Variants in CNMD observed in about 807,000 individuals in gnomAD.
The protein encoded by CNMD is leukocyte cell-derived chemotaxin 1.
Under a neutral mutation model 37.5 loss-of-function variants are expected in CNMD, and 30 were observed. The ratio of observed to expected loss-of-function variants is 0.80; its 90% CI spans 0.60 to 1.09. The LOEUF is 1.09. Ranked by LOEUF, CNMD falls within the 50% of genes least tolerant of loss-of-function variation. CNMD has a pLI of 0.00. For synonymous variants in CNMD, 167 were observed against 148.2 expected (o/e 1.13, Z -0.92); for missense variants, 398 against 423.9 (o/e 0.94, Z 0.54).
In CNMD at chr13:52,703,703, G is replaced by A; in HGVS notation, c.897C>T (p.Pro299=). 6.2e-7 allele frequency: 1 copy of A among 1,614,020 alleles called. No homozygotes were observed. The highest frequency in any genetic ancestry group is 8.5e-7 in the Non-Finnish European group (1 of 1,179,884). The change falls in exon 7 of 7, where the codon CCC becomes CCT. Residue 299 remains proline (P), a synonymous_variant. Coordinates refer to ENST00000377962, the MANE Select transcript of CNMD (RefSeq NM_007015.3). Reference sequence around the variant, plus strand: ...AAGGCCATGGGTAATAGCCCCCCAGGGGTTCACAGATCTTCTGGCAGTGGG... The same window carrying A: ...AAGGCCATGGGTAATAGCCCCCCAGAGGTTCACAGATCTTCTGGCAGTGGG... ...SYTHCQKICE[P]LGGYYPWPYN...
rs74554435 is a variant in CNMD at position 52,721,958 on chromosome 13, T to A, written c.468+2039A>T. On this transcript the variant is annotated intron_variant, in intron 4 of 6. Coordinates refer to ENST00000377962, the MANE Select transcript of CNMD (RefSeq NM_007015.3). ...GTAGGGAAAATGGCAAGGATTATAG[T>A]TCACTGAAGTCTTCATGACAGAAAC... Among the ~76,000 whole-genome samples, 60 of 152,128 alleles carry A rather than the reference T, an allele frequency of 3.9e-4. No homozygotes were observed. The East Asian group carries it at 0.011, about 29-fold the overall frequency.
At chr13:52,708,760 G>A (rs1964242238) in intron 5 of CNMD, 58 bp from the exon 6 acceptor site, 1 of 1,356,272 alleles carries the variant, frequency 7.4e-7, no homozygotes, top group Non-Finnish European at 1.0e-6. Context: ...AATTAGATCT[G>A]TGTTTATCAG....
chr13:52,738,655 G>C (rs1375906957), intron 2 of CNMD, among the ~76,000 whole-genome samples: 1 of 152,120 alleles, frequency 6.6e-6, no homozygotes, highest in African/African-American at 2.4e-5. Context: ...TCTTAGCAGG[G>C]ACAGGCCTTA....
At chr13:52,733,575 G>A in intron 2 of CNMD, 1 of 629,570 alleles carries the variant, frequency 1.6e-6, no homozygotes, top group Non-Finnish European at 2.9e-6. Flanking sequence ...GACTTTGGTT[G>A]CCTCTGACAC....
chr13:52,732,820 A>T (rs2138273293), intron 3 of CNMD, among the ~76,000 whole-genome samples: 1 of 152,310 alleles, frequency 6.6e-6, no homozygotes, highest in East Asian at 1.9e-4. Context: ...TCCAAGAAGA[A>T]CCTGCTCTTT....
In CNMD at chr13:52,716,263, T is replaced by C. The variant is rs902640062; in HGVS notation, c.469-3394A>G. On this transcript the variant is annotated intron_variant, in intron 4 of 6. Coordinates refer to ENST00000377962, the MANE Select transcript of CNMD (RefSeq NM_007015.3). The stretch of plus-strand genomic sequence containing the variant: ...GGATATTAGCCCTTTGTCAGATGGA[T>C]AGATTGCAAAAATTTGTTCTCCCAT... Among the ~76,000 whole-genome samples the C allele has an allele frequency of 7.2e-5, 11 of 152,352 alleles. No individual in the cohort carries two copies. The East Asian group carries it at 1.3e-3, about 19-fold the overall frequency.
At position 52,707,676 on chromosome 13, in the gene CNMD, T is replaced by C. The variant is rs118061029; in HGVS notation, c.789+860A>G. On this transcript the variant is annotated intron_variant, in intron 6 of 6. Transcript: ENST00000377962. ...TTTTCAAATAATCAAATTCCTGATA[T>C]GAATTTGTTTTCATGAATTTGCCTG... Among the ~76,000 whole-genome samples the C allele has an allele frequency of 6.7e-3, 1,015 of 152,276 alleles. 3 individuals are homozygous for C. Among genetic ancestry groups the C allele is most frequent in the Non-Finnish European group, 0.011 (771 of 68,012 alleles).
At chr13:52,704,000 C>T (rs1028940498) in intron 6 of CNMD, among the ~76,000 whole-genome samples, 190 bp from the exon 7 acceptor site, 1 of 151,260 alleles carries the variant, frequency 6.6e-6, no homozygotes, top group African/African-American at 2.4e-5. Context: ...CTTTTGACAC[C>T]AAGGAATCTA....
intron 3 of CNMD, among the ~76,000 whole-genome samples, chr13:52,731,590 C>T (rs920583192): frequency 6.6e-6 from 1 of 152,004 alleles, no homozygotes; most frequent in African/African-American, 2.4e-5. Flanking sequence ...TCTATGAGAA[C>T]AAAACACAAT....
rs1440892834 is a variant in CNMD, at chr13:52,739,457, G to T, written c.72+173C>A. ...CCCTCCGCACCCGCCTGTGGATGCC[G>T]TGACCCCTGCACACTCATACGCGTG... On this transcript the variant is annotated intron_variant, in intron 1 of 6. Transcript: ENST00000377962. The surrounding 1 kb of genome is among the most constrained non-coding windows in gnomAD (Gnocchi z 5.4). 2.9e-6 allele frequency: 2 copies of T among 691,718 alleles called. No homozygotes were observed. Among genetic ancestry groups the T allele is most frequent in the Non-Finnish European group, 5.0e-6 (2 of 402,048 alleles). The allele number at this position is 691,718 out of a possible 1,614,324, so 42.8% of individuals were successfully genotyped here. A position where few individuals can be genotyped will look rare whatever the true frequency, so the allele number is the denominator to read the frequency against.
intron 2 of CNMD, among the ~76,000 whole-genome samples, chr13:52,733,943 A>G (rs1053336985): frequency 4.6e-5 from 7 of 152,258 alleles, no homozygotes; most frequent in Middle Eastern, 3.2e-3. Flanking sequence ...GACTGCAGAC[A>G]GGACCAGGGT....
chr13:52,734,022 T>C (rs1964717620), intron 2 of CNMD, among the ~76,000 whole-genome samples: 1 of 152,142 alleles, frequency 6.6e-6, no homozygotes, highest in Non-Finnish European at 1.5e-5. Flanking sequence ...CTCAAAATGG[T>C]AGTACTCCCT....
At chr13:52,717,996 A>G (rs1306789536) in intron 4 of CNMD, among the ~76,000 whole-genome samples, 1 of 152,122 alleles carries the variant, frequency 6.6e-6, no homozygotes, top group Non-Finnish European at 1.5e-5. Flanking sequence ...TCGGTAGGCT[A>G]TTAATTACTG....
intron 5 of CNMD, 89 bp from the exon 6 acceptor site, chr13:52,708,791 G>T: frequency 8.8e-7 from 1 of 1,141,828 alleles, no homozygotes; most frequent in Non-Finnish European, 1.2e-6. Context: ...ATAAGAAAAG[G>T]ATATCAAAAT....
chr13:52,708,470 C>T, intron 6 of CNMD, 66 bp downstream of exon 6: 1 of 1,447,636 alleles, frequency 6.9e-7, no homozygotes, highest in Non-Finnish European at 9.4e-7. Context: ...CGTAAGCCAC[C>T]ACGCCCGGCC....
chr13:52,731,985 G>A (rs1193094347), intron 3 of CNMD, among the ~76,000 whole-genome samples: 1 of 152,240 alleles, frequency 6.6e-6, no homozygotes, highest in South Asian at 2.1e-4. Flanking sequence ...GAGCAGCAGA[G>A]GCTGTCCCCA....
At chr13:52,731,070 G>A (rs751460093) in intron 3 of CNMD, among the ~76,000 whole-genome samples, 1 of 151,834 alleles carries the variant, frequency 6.6e-6, no homozygotes, top group Admixed American at 6.6e-5. Flanking sequence ...TTTTTCCCTG[G>A]GCCTGGAGAG....
chr13:52,735,750 C>A (rs181807616), intron 2 of CNMD, among the ~76,000 whole-genome samples: 2 of 151,638 alleles, frequency 1.3e-5, no homozygotes, highest in East Asian at 1.9e-4. Flanking sequence ...GTATTCAAAA[C>A]CGCCCTGGGC....
At chr13:52,703,852 G>T in intron 6 of CNMD, 42 bp from the exon 7 acceptor site, 1 of 1,536,388 alleles carries the variant, frequency 6.5e-7, no homozygotes, top group Non-Finnish European at 9.0e-7. Context: ...CTGCATAGTG[G>T]GAAGGTCATA....
Sources: gnomAD v4.1 joint callset for allele counts (sites outside exome capture counted in the v4.1 genomes callset) on GRCh38, gnomAD v4.1.1 for gene constraint, Gnocchi (gnomAD v3.1) non-coding constraint, MANE v1.5 for transcripts, NCBI Gene and HGNC (gene_info 2026-07-23, HGNC 2026-07-21) for gene names.